XK: variants seen among roughly 807,000 people sequenced by gnomAD.
XK encodes endoplasmic reticulum membrane adapter protein XK.
In XK, 2 loss-of-function variants were observed where a neutral mutation model predicts 14.0. The observed-to-expected ratio is 0.14, with a 90% CI of 0.06 to 0.45. The LOEUF (loss-of-function observed/expected upper bound fraction) is 0.45. XK is among the 20% of genes least tolerant of loss of function. XK has a pLI of 0.98. For missense variants in XK, 235 were observed against 341.5 expected (o/e 0.69, Z 2.46); for synonymous variants, 149 against 147.5 (o/e 1.01, Z -0.08).
chrX:37,690,565 T>C (rs1927182984), intron 1 of XK, among the ~76,000 whole-genome samples: 3 of 111,820 alleles, frequency 2.7e-5, no homozygotes, highest in South Asian at 7.5e-4. Context: ...ATCAACCTAC[T>C]GATTATCTAC....
intron 2 of XK, among the ~76,000 whole-genome samples, chrX:37,723,876 G>C (rs1927925066): frequency 9.0e-6 from 1 of 111,350 alleles, no homozygotes; most frequent in Non-Finnish European, 1.9e-5. Flanking sequence ...ACACATACAT[G>C]TATAAGTAAT....
intron 2 of XK, among the ~76,000 whole-genome samples, chrX:37,698,383 G>A (rs1164360568): frequency 1.8e-5 from 2 of 108,586 alleles, no homozygotes; most frequent in Non-Finnish European, 3.8e-5. Context: ...TGGGCAAATC[G>A]CTTGACCCCA....
At chrX:37,727,362 G>T (rs1271925669) in intron 2 of XK, among the ~76,000 whole-genome samples, 1 of 111,460 alleles carries the variant, frequency 9.0e-6, no homozygotes, top group Non-Finnish European at 1.9e-5. Context: ...TTGTATTCCA[G>T]CTCCTAATCT....
In XK at chrX:37,725,329, G is replaced by T. The variant is rs372900845; in HGVS notation, c.509-2307G>T. On this transcript the variant is annotated intron_variant, in intron 2 of 2. Transcript: ENST00000378616. ...CACACAGAAAAGGTAACTATGTGAGGTGATAGATATATTAGCTTGACTATA... is the reference window on the plus strand; with the variant it reads ...CACACAGAAAAGGTAACTATGTGAGTTGATAGATATATTAGCTTGACTATA... 2.7e-5 allele frequency among the ~76,000 whole-genome samples: 3 copies of T among 111,672 alleles called. No individual in the cohort carries two copies. In the East Asian group the frequency reaches 8.4e-4, roughly 31 times the overall value.
At chrX:37,686,779 T>G (rs1191389798) in intron 1 of XK, among the ~76,000 whole-genome samples, 16 of 111,614 alleles carry the variant, frequency 1.4e-4, no homozygotes, top group Non-Finnish European at 7.5e-5. Context: ...ACATATGGGG[T>G]TCTAGAAATG....
rs782687286 is a variant in XK, at chrX:37,728,490, A to G, written c.*28A>G. 4 of 1,184,850 alleles carry G rather than the reference A, an allele frequency of 3.4e-6. No homozygotes were observed. The highest frequency in any genetic ancestry group is 4.6e-6 in the Non-Finnish European group (4 of 878,356). On this transcript the variant is annotated 3_prime_UTR_variant, in exon 3 of 3. Coordinates refer to ENST00000378616, the MANE Select transcript of XK (RefSeq NM_021083.4). The stretch of plus-strand genomic sequence containing the variant: ...GGACCCAAGGTCTCAGAGCACAGGC[A>G]TATTATTTTCTGGGTTTGATACTCG...
intron 2 of XK, among the ~76,000 whole-genome samples, chrX:37,699,837 A>G (rs1927376106): frequency 9.0e-6 from 1 of 111,496 alleles, no homozygotes; most frequent in African/African-American, 3.3e-5. Flanking sequence ...ATAATATCAC[A>G]AAGTTGAGGT....
At chrX:37,704,324 AGGAGTTCAAGACCACCCT>A (rs1347082129) in intron 2 of XK, among the ~76,000 whole-genome samples, 2 of 111,699 alleles carry the variant, frequency 1.8e-5, no homozygotes, top group Non-Finnish European at 3.8e-5. Flanking sequence ...TTTTGAGGCC[AGGAGTTCAAGACCACCCT>A]GGGCAACATA....
intron 2 of XK, among the ~76,000 whole-genome samples, chrX:37,695,848 T>C (rs782378121): frequency 5.4e-4 from 60 of 112,002 alleles, no homozygotes; most frequent in Non-Finnish European, 1.1e-3. Flanking sequence ...TATATGTAAA[T>C]ACTTTCCGCA....
rs1439453941 is a variant in XK, at chrX:37,692,962, AC to A, written c.246-1315del. ...GGGACAAAATGTCGTACACAAATCAACCCCCCCCCACACACACACCCACACA... is the reference window on the plus strand; with the variant it reads ...GGGACAAAATGTCGTACACAAATCAACCCCCCCCACACACACACCCACACA... On this transcript the variant is annotated intron_variant, in intron 1 of 2. Transcript: ENST00000378616. Among the ~76,000 whole-genome samples the A allele has an allele frequency of 4.3e-3, 440 of 102,216 alleles. 1 individual carries two copies. Among genetic ancestry groups the A allele is most frequent in the African/African-American group, 0.014 (404 of 27,889 alleles). The allele number at this position is 102,216 out of a possible 115,157, so 88.8% of individuals were successfully genotyped here.
intron 1 of XK, among the ~76,000 whole-genome samples, chrX:37,690,026 T>A (rs976233967): frequency 8.9e-6 from 1 of 111,958 alleles, no homozygotes; most frequent in African/African-American, 3.2e-5. Flanking sequence ...AATCTGAGCT[T>A]ATAAAATAAA....
At chrX:37,705,811 G>C (rs1285926514) in intron 2 of XK, among the ~76,000 whole-genome samples, 1 of 104,872 alleles carries the variant, frequency 9.5e-6, no homozygotes, top group Non-Finnish European at 1.9e-5. Flanking sequence ...GGAGTGCAGT[G>C]GTGCAATCAT....
chrX:37,708,276 T>C lies in XK; in HGVS notation c.508+13728T>C, dbSNP rs782678014. 2.7e-5 allele frequency among the ~76,000 whole-genome samples: 3 copies of C among 111,512 alleles called. No individual in the cohort carries two copies. In the Admixed American group the frequency reaches 2.8e-4, roughly 10 times the overall value. On this transcript the variant is annotated intron_variant, in intron 2 of 2. Coordinates refer to ENST00000378616, the MANE Select transcript of XK (RefSeq NM_021083.4). Reference sequence around the variant, plus strand: ...TTATAAGGGAGAGGCAGCAGCAGGCTTGATCACGGAGGAAGAAGACAATGT... The same window carrying C: ...TTATAAGGGAGAGGCAGCAGCAGGCCTGATCACGGAGGAAGAAGACAATGT...
intron 2 of XK, among the ~76,000 whole-genome samples, chrX:37,697,165 A>G (rs1480686814): frequency 1.8e-5 from 2 of 111,907 alleles, no homozygotes; most frequent in African/African-American, 6.5e-5. Context: ...CTTGTTAAAT[A>G]TATAGATTAC....
intron 2 of XK, among the ~76,000 whole-genome samples, chrX:37,705,318 G>T (rs971114521): frequency 3.5e-4 from 38 of 108,696 alleles, no homozygotes; most frequent in African/African-American, 1.2e-3. Flanking sequence ...CGGGCGTGGT[G>T]GCGGGCGCCT....
chrX:37,696,083 T>C (rs1307055742), intron 2 of XK, among the ~76,000 whole-genome samples: 1 of 111,939 alleles, frequency 8.9e-6, no homozygotes, highest in Non-Finnish European at 1.9e-5. Context: ...TTAGTGAAGA[T>C]TGTCTCACAG....
chrX:37,714,278 C>T (rs1927720529), intron 2 of XK, among the ~76,000 whole-genome samples: 1 of 111,539 alleles, frequency 9.0e-6, no homozygotes, highest in Admixed American at 9.5e-5. Context: ...ATTCAAAAGA[C>T]ACTTCTATTG....
chrX:37,702,101 G>A (rs1927428563), intron 2 of XK, among the ~76,000 whole-genome samples: 1 of 111,901 alleles, frequency 8.9e-6, no homozygotes, highest in African/African-American at 3.3e-5. Context: ...TCGGCCAGGG[G>A]AGGGGGTGCT....
intron 1 of XK, 133 bp downstream of exon 1, chrX:37,686,339 G>A: frequency 9.3e-7 from 1 of 1,077,159 alleles, no homozygotes; most frequent in Admixed American, 2.8e-5. Flanking sequence ...GGTCCGCCAT[G>A]CCCCTCAGCC....
Sources: gnomAD v4.1 joint callset for allele counts (sites outside exome capture counted in the v4.1 genomes callset) on GRCh38, gnomAD v4.1.1 for gene constraint, MANE v1.5 for transcripts, NCBI Gene and HGNC (gene_info 2026-07-23, HGNC 2026-07-21) for gene names.